Variants in ABCA5 observed in about 807,000 individuals in gnomAD.
ABCA5 encodes cholesterol transporter ABCA5.
ABCA5 carries 163 observed loss-of-function variants against 206.0 expected under a neutral mutation model. That is an observed-to-expected ratio of 0.79 (90% CI 0.70 to 0.90). The LOEUF is 0.90. Among genes scored for constraint, ABCA5 ranks in the 40% least tolerant of loss-of-function variants. The probability of loss-of-function intolerance (pLI) is 0.00; values close to 1 mark genes in which losing one functional copy is unlikely to be tolerated. For missense variants in ABCA5, 1,859 were observed against 1,912.9 expected (o/e 0.97, Z 0.53); for synonymous variants, 609 against 613.8 (o/e 0.99, Z 0.11).
At chr17:69,313,006 G>T (rs1301014898) in intron 3 of ABCA5, 86 bp downstream of exon 3, 5 of 805,656 alleles carry the variant, frequency 6.2e-6, no homozygotes, top group Non-Finnish European at 9.0e-6. Context: ...TAAGTGTTAA[G>T]ACTGCTATTC....
At chr17:69,322,109 C>T (rs1472645890) in intron 1 of ABCA5, among the ~76,000 whole-genome samples, 1 of 151,998 alleles carries the variant, frequency 6.6e-6, no homozygotes, top group Non-Finnish European at 1.5e-5. Flanking sequence ...CAGTGGTTCA[C>T]GCCTGTAATC....
chr17:69,299,389 TCA>T (rs1426643805), intron 9 of ABCA5, among the ~76,000 whole-genome samples: 1 of 150,716 alleles, frequency 6.6e-6, no homozygotes, highest in African/African-American at 2.4e-5. Context: ...TATAATTAAT[TCA>T]CAATTACAAA....
intron 35 of ABCA5, chr17:69,250,940 T>C (rs146726620): frequency 7.2e-4 from 119 of 165,758 alleles, no homozygotes; most frequent in African/African-American, 2.6e-3. Context: ...CAGGATACCG[T>C]AGTGTTCTTG....
chr17:69,265,782 C>T (rs945425932), intron 23 of ABCA5, among the ~76,000 whole-genome samples: 1 of 152,072 alleles, frequency 6.6e-6, no homozygotes, highest in African/African-American at 2.4e-5. Flanking sequence ...TAAGCTAAGG[C>T]AAATGCAATT....
chr17:69,244,624 T>C lies in ABCA5; in HGVS notation c.*2913A>G, dbSNP rs1048449042. 1 of 151,664 alleles carries C rather than the reference T, an allele frequency of 6.6e-6. No homozygotes were observed. The highest frequency in any genetic ancestry group is 6.6e-5 in the Admixed American group (1 of 15,222). 9.4% of individuals were successfully genotyped at this position (151,664 alleles called of 1,614,324 possible). ...TTCAGGAAAGAAAATAAAAAATCAA[T>C]GTTAGCAAATTAAAAATACATTAAG... is the stretch of plus-strand genomic sequence containing the variant. On this transcript the variant is annotated 3_prime_UTR_variant, in exon 39 of 39. Coordinates refer to ENST00000392676, the MANE Select transcript of ABCA5 (RefSeq NM_172232.4).
chr17:69,256,543 C>A (rs1487912163), intron 28 of ABCA5, among the ~76,000 whole-genome samples: 1 of 151,026 alleles, frequency 6.6e-6, no homozygotes, highest in Non-Finnish European at 1.5e-5. Context: ...ATAACCTCTG[C>A]CTCCTGGGTT....
In ABCA5 at chr17:69,251,162, A is replaced by G. The variant is rs1425801267; in HGVS notation, c.4536-541T>C. 2.0e-5 allele frequency: 3 copies of G among 152,942 alleles called. No homozygotes were observed. In the East Asian group the frequency reaches 5.8e-4, roughly 29 times the overall value. 9.5% of individuals were successfully genotyped at this position (152,942 alleles called of 1,614,324 possible). A position where few individuals can be genotyped will look rare whatever the true frequency, so the allele number is the denominator to read the frequency against. On this transcript the variant is annotated intron_variant, in intron 35 of 38. Coordinates refer to ENST00000392676, the MANE Select transcript of ABCA5 (RefSeq NM_172232.4). Reference sequence around the variant, plus strand: ...GCTGTAGTACTTTTTCCATCATATCATATCAGTGAATACATGATATCTGCA... The same window carrying G: ...GCTGTAGTACTTTTTCCATCATATCGTATCAGTGAATACATGATATCTGCA...
intron 1 of ABCA5, among the ~76,000 whole-genome samples, chr17:69,316,592 T>TA (rs34101085): frequency 0.011 from 1,440 of 132,710 alleles, 20 homozygotes; most frequent in African/African-American, 0.032. Flanking sequence ...GTATTAATGC[T>TA]AAAAAAAAAA....
chr17:69,282,754 A>C (rs988306803), intron 18 of ABCA5, among the ~76,000 whole-genome samples: 8 of 131,706 alleles, frequency 6.1e-5, no homozygotes, highest in Non-Finnish European at 1.1e-4. Flanking sequence ...CCTGGGTGAC[A>C]GAGCAAGACT....
At chr17:69,274,442 A>G (rs2075308442) in intron 19 of ABCA5, among the ~76,000 whole-genome samples, 1 of 151,906 alleles carries the variant, frequency 6.6e-6, no homozygotes, top group African/African-American at 2.4e-5. Context: ...CTGGTCTCAA[A>G]CTCCTGAGCT....
In ABCA5 at chr17:69,285,878, A is replaced by G. The variant is rs2075445797; in HGVS notation, c.2272+20T>C. 1 of 1,600,556 alleles carries G rather than the reference A, an allele frequency of 6.2e-7. No homozygotes were observed. The highest frequency in any genetic ancestry group is 1.3e-5 in the African/African-American group (1 of 74,334). The stretch of plus-strand genomic sequence containing the variant: ...ATAGGATCCCAGTTCAAACACCAAG[A>G]GACTTAAAGTAAGTAATACCTGAAA... On this transcript the variant is annotated intron_variant, in intron 17 of 38. Coordinates refer to ENST00000392676, the MANE Select transcript of ABCA5 (RefSeq NM_172232.4).
In ABCA5 at chr17:69,283,737, A is replaced by G. The variant is rs140859268; in HGVS notation, c.2392+216T>C. ...GCCTCAGGTCAAGTATCATCTCAACAAAGTCCTTCCTGATGATATAATCTA... is the reference window on the plus strand; with the variant it reads ...GCCTCAGGTCAAGTATCATCTCAACGAAGTCCTTCCTGATGATATAATCTA... On this transcript the variant is annotated intron_variant, in intron 18 of 38. Coordinates refer to ENST00000392676, the MANE Select transcript of ABCA5 (RefSeq NM_172232.4). 1.6e-4 allele frequency among the ~76,000 whole-genome samples: 24 copies of G among 151,712 alleles called. No homozygotes were observed. In the East Asian group the frequency reaches 4.2e-3, roughly 27 times the overall value.
intron 32 of ABCA5, 138 bp downstream of exon 32, chr17:69,254,177 T>C (rs2075048844): frequency 5.5e-6 from 4 of 721,086 alleles, no homozygotes; most frequent in Non-Finnish European, 8.6e-6. Flanking sequence ...TCATATATCA[T>C]AAAGAATATA....
chr17:69,250,549 G>A lies in ABCA5; in HGVS notation c.4608C>T (p.Asp1536=). The A allele has an allele frequency of 6.2e-7, 1 of 1,603,822 alleles. No homozygotes were observed. Among genetic ancestry groups the A allele is most frequent in the Non-Finnish European group, 8.5e-7 (1 of 1,176,442 alleles). Residue 1536 remains aspartate (D), a synonymous_variant, in exon 36 of 39, where the codon GAC becomes GAT. Transcript: ENST00000392676. ...GGTCTACTTCTAGGTTTTCTATCCA[G>A]TCCTTCAATTTAATTTCCAAAAAGT... ...KGYFLEIKLK[D]WIENLEVDRL...
chr17:69,314,662 T>C (rs1454425929), intron 1 of ABCA5: 2 of 380,464 alleles, frequency 5.3e-6, no homozygotes, highest in Non-Finnish European at 9.3e-6. Flanking sequence ...TACCACCATA[T>C]CAACAGTGGT....
At chr17:69,283,639 T>C (rs997827732) in intron 18 of ABCA5, among the ~76,000 whole-genome samples, 4 of 152,200 alleles carry the variant, frequency 2.6e-5, no homozygotes, top group African/African-American at 9.6e-5. Context: ...GTTAATACCT[T>C]TGCAGTTGCA....
chr17:69,304,485 TG>T (rs1225049964), intron 7 of ABCA5, 183 bp downstream of exon 7: 2 of 471,950 alleles, frequency 4.2e-6, no homozygotes, highest in Non-Finnish European at 7.2e-6. Flanking sequence ...AAAACTATTT[TG>T]TAACATTACT....
intron 19 of ABCA5, among the ~76,000 whole-genome samples, chr17:69,276,598 G>A (rs181420805): frequency 6.6e-6 from 1 of 152,240 alleles, no homozygotes; most frequent in African/African-American, 2.4e-5. Flanking sequence ...AGTGGGAGCT[G>A]AACAACGAGA....
In ABCA5 at chr17:69,264,924, A is replaced by G. The variant is rs776475605; in HGVS notation, c.3145-19T>C. ...CTTTGATCTAAAAAAAATGAAAAAC[A>G]ATTTATTATAATTTTAGACACTTTA... On this transcript the variant is annotated intron_variant, in intron 23 of 38. Coordinates refer to ENST00000392676, the MANE Select transcript of ABCA5 (RefSeq NM_172232.4). 1 of 1,426,874 alleles carries G rather than the reference A, an allele frequency of 7.0e-7. No individual in the cohort carries two copies. Among genetic ancestry groups the G allele is most frequent in the East Asian group, 2.5e-5 (1 of 39,942 alleles). 88.4% of individuals were successfully genotyped at this position (1,426,874 alleles called of 1,614,324 possible).
Sources: allele counts gnomAD v4.1 joint callset (sites outside exome capture counted in the v4.1 genomes callset), GRCh38; gene constraint gnomAD v4.1.1; transcripts MANE v1.5; gene names NCBI Gene and HGNC (gene_info 2026-07-23, HGNC 2026-07-21).